P2RX1: variants seen among roughly 807,000 people sequenced by gnomAD.
P2RX1 encodes the protein P2X purinoceptor 1.
Under a neutral mutation model 50.3 loss-of-function variants are expected in P2RX1, and 42 were observed. The observed-to-expected ratio is 0.83, with a 90% CI of 0.65 to 1.08. P2RX1 has a LOEUF of 1.08. P2RX1 is among the 50% of genes least tolerant of loss of function. The pLI, the probability that P2RX1 is intolerant of heterozygous loss-of-function variation, is 0.00. For missense variants in P2RX1, 449 were observed against 529.0 expected, an observed-to-expected ratio of 0.85 and a Z score of 1.48; for synonymous variants, 199 against 202.6, an observed-to-expected ratio of 0.98 and a Z score of 0.15.
intron 1 of P2RX1, among the ~76,000 whole-genome samples, chr17:3,910,608 C>T (rs186603363): frequency 5.9e-5 from 9 of 152,336 alleles, no homozygotes; most frequent in Admixed American, 2.6e-4. Context: ...TTGGGAGGAC[C>T]GGCCAGGTGG....
At chr17:3,910,465 C>T (rs1306481692) in intron 1 of P2RX1, among the ~76,000 whole-genome samples, 3 of 152,242 alleles carry the variant, frequency 2.0e-5, no homozygotes, top group South Asian at 2.1e-4. Context: ...CCCATCATGC[C>T]CCCACATTCA....
At chr17:3,907,864 G>A (rs1257136542) in intron 1 of P2RX1, among the ~76,000 whole-genome samples, 2 of 151,876 alleles carry the variant, frequency 1.3e-5, no homozygotes, top group African/African-American at 2.4e-5. Context: ...AAGCCAGAAG[G>A]AGCTGATGCA....
intron 1 of P2RX1, among the ~76,000 whole-genome samples, chr17:3,906,530 T>C (rs985436794): frequency 1.3e-5 from 2 of 152,194 alleles, no homozygotes; most frequent in African/African-American, 4.8e-5. Flanking sequence ...AGACATTAGT[T>C]GTTATTATGA....
intron 4 of P2RX1, 44 bp downstream of exon 4, chr17:3,904,286 C>T (rs370853443): frequency 3.2e-5 from 50 of 1,577,794 alleles, no homozygotes; most frequent in South Asian, 1.1e-4. Flanking sequence ...CGTCAGGGAC[C>T]GCAGCCGGGG....
In P2RX1 at chr17:3,916,216, G is replaced by A. The variant is rs768551651; in HGVS notation, c.10C>T (p.Arg4Trp). Residue 4 changes from arginine to tryptophan, a missense_variant, in exon 1 of 12, where the codon CGG (arginine) becomes TGG (tryptophan). Arg to Trp is a moderately radical substitution (Grantham distance 101). Coordinates refer to ENST00000225538, the MANE Select transcript of P2RX1 (RefSeq NM_002558.4). The stretch of plus-strand genomic sequence containing the variant: ...AAGGCGGCCAGCTCCTCCTGGAACC[G>A]CCGTGCCATGGTGGGCCGGCTGGGG... MAR[R>W]FQEELAAFLF... 3.1e-6 allele frequency: 5 copies of A among 1,613,072 alleles called. No homozygotes were observed. Among genetic ancestry groups the A allele is most frequent in the Admixed American group, 1.7e-5 (1 of 60,024 alleles).
rs1477096244 is a variant in P2RX1 at position 3,916,462 on chromosome 17, G to A, written c.-237C>T. 9.5e-6 allele frequency: 5 copies of A among 526,334 alleles called. No individual in the cohort carries two copies. The highest frequency in any genetic ancestry group is 1.7e-5 in the Non-Finnish European group (5 of 296,118). 32.6% of individuals were successfully genotyped at this position (526,334 alleles called of 1,614,324 possible). The stretch of plus-strand genomic sequence containing the variant: ...AGCTCTTGGCCCCTGGAAGGCAACA[G>A]ACTGCAGGCCAGCCTCGCCCATGGA... On this transcript the variant is annotated 5_prime_UTR_variant, in exon 1 of 12. Coordinates refer to ENST00000225538, the MANE Select transcript of P2RX1 (RefSeq NM_002558.4).
chr17:3,904,220 C>T, intron 4 of P2RX1, 110 bp downstream of exon 4: 2 of 1,203,934 alleles, frequency 1.7e-6, no homozygotes, highest in East Asian at 4.7e-5. Flanking sequence ...CCGGAGGCCG[C>T]CTCGGCGGGA....
At chr17:3,908,433 G>A (rs1247890446) in intron 1 of P2RX1, among the ~76,000 whole-genome samples, 2 of 152,042 alleles carry the variant, frequency 1.3e-5, no homozygotes, top group Non-Finnish European at 2.9e-5. Context: ...TGGTGGTGGC[G>A]GGCACCTGTA....
At chr17:3,901,288 C>G (rs184592924) in intron 7 of P2RX1, among the ~76,000 whole-genome samples, 1 of 152,212 alleles carries the variant, frequency 6.6e-6, no homozygotes. Flanking sequence ...AGGATGGTCT[C>G]GATCTCCTGA....
At chr17:3,910,781 C>T (rs550174085) in intron 1 of P2RX1, among the ~76,000 whole-genome samples, 47 of 152,300 alleles carry the variant, frequency 3.1e-4, no homozygotes, top group Non-Finnish European at 5.1e-4. Flanking sequence ...CCATGCAACC[C>T]GCAGACAAGT....
rs755204408 is a variant in P2RX1 at position 3,905,182 on chromosome 17, G to A, written c.285+38C>T. 49 of 1,607,206 alleles carry A rather than the reference G, an allele frequency of 3.0e-5. No homozygotes were observed. The South Asian group carries it at 5.2e-4, about 17-fold the overall frequency. On this transcript the variant is annotated intron_variant, in intron 2 of 11. Coordinates refer to ENST00000225538, the MANE Select transcript of P2RX1 (RefSeq NM_002558.4). ...AGAGTCCCACCCAACTCTGAGACAG[G>A]CCCTGTGAGGGGAAGGTGCAAACCT...
In P2RX1 at chr17:3,903,988, G is replaced by A; in HGVS notation, c.464C>T (p.Thr155Ile). Residue 155 changes from threonine to isoleucine, a missense_variant, in exon 5 of 12, where the codon ACT becomes ATT. Physicochemically the swap from Thr to Ile is moderately conservative, Grantham distance 89. Transcript: ENST00000225538. This position sits in a 1 kb window ranked among gnomAD's most constrained non-coding sequence, Gnocchi z 4.6. Reference sequence around the variant, plus strand: ...GCCAAAGATCTCACACGTCTTCACAGTGTCGTTGAAGGCCACACACTTGCC... The same window carrying A: ...GCCAAAGATCTCACACGTCTTCACAATGTCGTTGAAGGCCACACACTTGCC... Reference protein sequence around the residue: ...RTGKCVAFNDTVKTCEIFGWC... With the variant: ...RTGKCVAFNDIVKTCEIFGWC... 1 of 1,614,152 alleles carries A rather than the reference G, an allele frequency of 6.2e-7. No homozygotes were observed. The highest frequency in any genetic ancestry group is 8.5e-7 in the Non-Finnish European group (1 of 1,180,008).
intron 1 of P2RX1, 48 bp downstream of exon 1, chr17:3,916,041 G>A: frequency 6.2e-7 from 1 of 1,610,078 alleles, no homozygotes; most frequent in Non-Finnish European, 8.5e-7. Flanking sequence ...CTGGAGGACA[G>A]GCCCGGGGTA....
Position 3,916,100 on chromosome 17 carries a change from GACCAGGACC to G in P2RX1, c.117_125del (p.Val40_Val42del). ...GCGCCCGGACTCACCCGATGACGTA[GACCAGGACC>G]ACCAGCTGGATCAGTCGGAAGATAA... On this transcript the variant is annotated inframe_deletion, in exon 1 of 12. Coordinates refer to ENST00000225538, the MANE Select transcript of P2RX1 (RefSeq NM_002558.4). 1.2e-6 allele frequency: 2 copies of G among 1,613,554 alleles called. No homozygotes were observed. Among genetic ancestry groups the G allele is most frequent in the Non-Finnish European group, 1.7e-6 (2 of 1,179,996 alleles).
At chr17:3,898,132 G>A in intron 10 of P2RX1, 22 bp from the exon 11 acceptor site, 1 of 1,602,970 alleles carries the variant, frequency 6.2e-7, no homozygotes, top group South Asian at 1.1e-5. Context: ...GAAGGGCACG[G>A]AGACAGCGTG....
intron 7 of P2RX1, among the ~76,000 whole-genome samples, chr17:3,902,492 C>T (rs562531441): frequency 2.6e-5 from 4 of 151,868 alleles, no homozygotes; most frequent in East Asian, 3.9e-4. Flanking sequence ...CACGGGGTTT[C>T]ACCATACTGG....
At position 3,899,728 on chromosome 17, in the gene P2RX1, A is replaced by G. The variant is rs971461089; in HGVS notation, c.781T>C (p.Cys261Arg). The G allele has an allele frequency of 6.2e-7, 1 of 1,613,864 alleles. No homozygotes were observed. The highest frequency in any genetic ancestry group is 8.5e-7 in the Non-Finnish European group (1 of 1,179,902). ...GVVGITIDWH[C>R]DLDWHVRHCR... ...TGCCGTACGTGCCAGTCCAGGTCAC[A>G]GTGCCAGTCGATGGTGATGCCAACC... The change falls in exon 8 of 12, where the codon TGT (cysteine) becomes CGT (arginine). Residue 261 changes from cysteine (C) to arginine (R), a missense_variant. Coordinates refer to ENST00000225538, the MANE Select transcript of P2RX1 (RefSeq NM_002558.4).
At chr17:3,900,121 G>A (rs1163088493) in intron 7 of P2RX1, among the ~76,000 whole-genome samples, 1 of 144,602 alleles carries the variant, frequency 6.9e-6, no homozygotes, top group Non-Finnish European at 1.5e-5. Flanking sequence ...AACAAAAAAA[G>A]CCCATCTCAC....
At chr17:3,905,470 G>A in intron 1 of P2RX1, 103 bp from the exon 2 acceptor site, 1 of 1,293,546 alleles carries the variant, frequency 7.7e-7, no homozygotes, top group Non-Finnish European at 1.1e-6. Context: ...GCCACCATCT[G>A]CTCCTAAAGC....
Sources: allele counts gnomAD v4.1 joint callset (sites outside exome capture counted in the v4.1 genomes callset), GRCh38; gene constraint gnomAD v4.1.1; non-coding constraint Gnocchi (gnomAD v3.1); transcripts MANE v1.5; gene names NCBI Gene and HGNC (gene_info 2026-07-23, HGNC 2026-07-21).